Variants in DPYD observed in about 807,000 individuals in gnomAD.
The protein encoded by DPYD is dihydropyrimidine dehydrogenase [NADP(+)].
DPYD carries 109 observed loss-of-function variants against 116.2 expected under a neutral mutation model. That is an observed-to-expected ratio of 0.94 (90% CI 0.80 to 1.10). DPYD has a LOEUF of 1.10. DPYD is among the 50% of genes least tolerant of loss of function. DPYD has a pLI of 0.00. For missense variants in DPYD, 1,302 were observed against 1,254.5 expected (o/e 1.04, Z -0.57); for synonymous variants, 440 against 432.0 (o/e 1.02, Z -0.23).
chr1:97,545,450 C>A (rs1002896442), intron 12 of DPYD, among the ~76,000 whole-genome samples: 1 of 151,914 alleles, frequency 6.6e-6, no homozygotes, highest in East Asian at 1.9e-4. Context: ...TAGGTTTGAA[C>A]CTGGAAATAA....
chr1:97,751,272 C>T (rs1478763919), intron 3 of DPYD, among the ~76,000 whole-genome samples: 1 of 149,134 alleles, frequency 6.7e-6, no homozygotes, highest in Non-Finnish European at 1.5e-5. Context: ...ATGGAGAGGG[C>T]TTTCAAAATA....
intron 13 of DPYD, among the ~76,000 whole-genome samples, chr1:97,508,469 G>T (rs1057199339): frequency 1.3e-5 from 2 of 151,908 alleles, no homozygotes; most frequent in Non-Finnish European, 2.9e-5. Flanking sequence ...AAATCAAAAT[G>T]CTCTCTTGTA....
intron 2 of DPYD, among the ~76,000 whole-genome samples, chr1:97,834,493 C>T (rs1327277235): frequency 1.3e-5 from 2 of 151,790 alleles, no homozygotes; most frequent in Non-Finnish European, 2.9e-5. Flanking sequence ...GGTTGAAAAC[C>T]TGCAGGATAC....
chr1:97,153,298 C>A (rs1655170829), intron 20 of DPYD, among the ~76,000 whole-genome samples: 1 of 152,150 alleles, frequency 6.6e-6, no homozygotes, highest in African/African-American at 2.4e-5. Context: ...CTCCCTTCCA[C>A]ATGATCTTGT....
At chr1:97,605,743 T>A (rs1268160099) in intron 8 of DPYD, among the ~76,000 whole-genome samples, 1 of 152,038 alleles carries the variant, frequency 6.6e-6, no homozygotes. Context: ...AATGAGATAA[T>A]ATATCTCAAT....
chr1:97,213,303 T>C (rs1197266451), intron 19 of DPYD, among the ~76,000 whole-genome samples: 1 of 152,150 alleles, frequency 6.6e-6, no homozygotes, highest in African/African-American at 2.4e-5. Context: ...AACTTTTAGC[T>C]TACAAAAGGT....
chr1:97,440,288 G>A (rs1359174802), intron 14 of DPYD, among the ~76,000 whole-genome samples: 1 of 150,534 alleles, frequency 6.6e-6, no homozygotes, highest in African/African-American at 2.4e-5. Context: ...AAAATCCAAT[G>A]TGAAAATCTC....
At chr1:97,574,484 A>G (rs1363985359) in intron 10 of DPYD, among the ~76,000 whole-genome samples, 1 of 152,164 alleles carries the variant, frequency 6.6e-6, no homozygotes, top group Non-Finnish European at 1.5e-5. Flanking sequence ...TAAGAAATAA[A>G]AAACATTTTT....
intron 14 of DPYD, among the ~76,000 whole-genome samples, chr1:97,391,280 C>T (rs942522863): frequency 1.3e-5 from 2 of 151,894 alleles, no homozygotes; most frequent in African/African-American, 2.4e-5. Context: ...TACGACTACC[C>T]GTTAGCACTT....
intron 2 of DPYD, among the ~76,000 whole-genome samples, chr1:97,831,936 GTAA>G (rs1404814136): frequency 1.3e-5 from 2 of 152,154 alleles, no homozygotes; most frequent in East Asian, 3.9e-4. Flanking sequence ...GACATGCCAT[GTAA>G]TATAACAGGC....
intron 2 of DPYD, among the ~76,000 whole-genome samples, chr1:97,839,920 C>A (rs1484805958): frequency 6.6e-6 from 1 of 152,170 alleles, no homozygotes; most frequent in Non-Finnish European, 1.5e-5. Context: ...TCCCTGGATA[C>A]TAATGAGGTG....
At chr1:97,445,933 G>A (rs1426310487) in intron 14 of DPYD, among the ~76,000 whole-genome samples, 1 of 152,046 alleles carries the variant, frequency 6.6e-6, no homozygotes, top group Non-Finnish European at 1.5e-5. Flanking sequence ...CACCATGTTG[G>A]TCAGGCTGGT....
At chr1:97,098,350 G>A (rs1187104373) in intron 21 of DPYD, 139 bp downstream of exon 21, 3 of 1,007,076 alleles carry the variant, frequency 3.0e-6, no homozygotes, top group Non-Finnish European at 4.4e-6. Context: ...TTTTCACCAT[G>A]GACAGATGTT....
intron 14 of DPYD, among the ~76,000 whole-genome samples, chr1:97,428,909 G>C (rs1043499856): frequency 6.6e-6 from 1 of 151,792 alleles, no homozygotes; most frequent in Non-Finnish European, 1.5e-5. Flanking sequence ...TGGGCTTTTT[G>C]TTAATAGATT....
Position 97,453,349 on chromosome 1 carries a change from T to C in DPYD, c.1741-3126A>G, listed in dbSNP as rs141876269. Among the ~76,000 whole-genome samples, 11 of 152,280 alleles carry C rather than the reference T, an allele frequency of 7.2e-5. No individual in the cohort carries two copies. In the South Asian group the frequency reaches 1.2e-3, roughly 17 times the overall value. ...CTGATCCATGACCACCTAGGGTATT[T>C]CCTAGCTAATGAGCCTGTCCAACTA... On this transcript the variant is annotated intron_variant, in intron 13 of 22. Transcript: ENST00000370192.
chr1:97,632,266 G>A (rs991746209), intron 8 of DPYD, among the ~76,000 whole-genome samples: 7 of 152,018 alleles, frequency 4.6e-5, no homozygotes, highest in African/African-American at 7.2e-5. Flanking sequence ...AGCTGAAGTC[G>A]CACATGCTAT....
intron 14 of DPYD, among the ~76,000 whole-genome samples, chr1:97,386,959 T>A (rs1018854927): frequency 7.9e-5 from 12 of 151,952 alleles, no homozygotes; most frequent in South Asian, 2.1e-4. Context: ...GGGAACAGAT[T>A]TTTTTTCCTA....
intron 13 of DPYD, among the ~76,000 whole-genome samples, chr1:97,508,255 G>A (rs1244906024): frequency 6.6e-6 from 1 of 151,974 alleles, no homozygotes; most frequent in Non-Finnish European, 1.5e-5. Flanking sequence ...CTTCTCTGAG[G>A]AGGTAACTTT....
intron 3 of DPYD, among the ~76,000 whole-genome samples, chr1:97,810,308 A>C: frequency 1.5e-5 from 2 of 137,362 alleles, no homozygotes; most frequent in East Asian, 2.3e-4. Context: ...AAAAAAAAAG[A>C]AGCATCAACG....
Sources: gnomAD v4.1 joint callset for allele counts (sites outside exome capture counted in the v4.1 genomes callset) on GRCh38, gnomAD v4.1.1 for gene constraint, MANE v1.5 for transcripts, NCBI Gene and HGNC (gene_info 2026-07-23, HGNC 2026-07-21) for gene names.